BTAF1: variants seen among roughly 807,000 people sequenced by gnomAD.
BTAF1 encodes the protein B-TFIID TATA-box binding protein associated factor 1, also known as TATA-binding protein-associated factor 172.
BTAF1 carries 38 observed loss-of-function variants against 227.1 expected under a neutral mutation model. The observed-to-expected ratio is 0.17, with a 90% CI of 0.13 to 0.22. The LOEUF is 0.22. Ranked by LOEUF, BTAF1 falls within the 10% of genes least tolerant of loss-of-function variation. The pLI is 1.00. For synonymous variants in BTAF1, 742 were observed against 751.9 expected (o/e 0.99, Z 0.21); for missense variants, 1,598 against 2,204.0 (o/e 0.73, Z 5.51).
At chr10:91,951,747 A>C (rs1329187198) in intron 5 of BTAF1, among the ~76,000 whole-genome samples, 181 bp downstream of exon 5, 2 of 152,194 alleles carry the variant, frequency 1.3e-5, no homozygotes, top group African/African-American at 4.8e-5. Context: ...ATAGAGTTAG[A>C]AGCTCAACCT....
chr10:92,009,349 C>A, intron 28 of BTAF1, 141 bp downstream of exon 28: 1 of 905,206 alleles, frequency 1.1e-6, no homozygotes, highest in Non-Finnish European at 1.6e-6. Context: ...AGTGAATGTA[C>A]TTTGGGAAGA....
chr10:91,979,120 C>T (rs376256653), intron 14 of BTAF1, among the ~76,000 whole-genome samples: 3 of 152,060 alleles, frequency 2.0e-5, no homozygotes, highest in East Asian at 1.9e-4. Flanking sequence ...TGGCCTCCCG[C>T]TCCATCCATG....
chr10:91,981,636 C>A lies in BTAF1; in HGVS notation c.1756-7C>A. 6.4e-7 allele frequency: 1 copy of A among 1,570,280 alleles called. No individual in the cohort carries two copies. The highest frequency in any genetic ancestry group is 8.6e-7 in the Non-Finnish European group (1 of 1,161,366). ...ATTCACTTTCATGTCCCCCTTTTACCCTGCAGGTTTGGATGGAACTGTTGA... is the reference window on the plus strand; with the variant it reads ...ATTCACTTTCATGTCCCCCTTTTACACTGCAGGTTTGGATGGAACTGTTGA... On this transcript the variant is annotated splice_region_variant and splice_polypyrimidine_tract_variant and intron_variant, in intron 15 of 37. Transcript: ENST00000265990.
intron 20 of BTAF1, among the ~76,000 whole-genome samples, chr10:91,991,791 GTGTGTGTA>G (rs1172537293): frequency 8.8e-5 from 6 of 68,476 alleles, no homozygotes; most frequent in South Asian, 3.2e-4. Flanking sequence ...GTGTGTGTGT[GTGTGTGTA>G]TATATATATA....
At chr10:91,925,729 C>T (rs535619389) in intron 1 of BTAF1, among the ~76,000 whole-genome samples, 27 of 152,248 alleles carry the variant, frequency 1.8e-4, no homozygotes, top group African/African-American at 6.0e-4. Context: ...CCAGGATGGT[C>T]TCGATCTCCT....
At chr10:91,939,232 T>C (rs569816888) in intron 2 of BTAF1, among the ~76,000 whole-genome samples, 27 of 152,336 alleles carry the variant, frequency 1.8e-4, no homozygotes, top group Non-Finnish European at 2.9e-4. Context: ...ATGGTTTTCT[T>C]AATTTCATTT....
At chr10:91,970,661 T>C (rs912705895) in intron 14 of BTAF1, among the ~76,000 whole-genome samples, 1 of 152,242 alleles carries the variant, frequency 6.6e-6, no homozygotes, top group Non-Finnish European at 1.5e-5. Flanking sequence ...AGATGAGATT[T>C]GGATGGGGAC....
chr10:92,014,074 C>T, intron 32 of BTAF1, 45 bp downstream of exon 32: 1 of 1,573,000 alleles, frequency 6.4e-7, no homozygotes, highest in Non-Finnish European at 8.6e-7. Context: ...TGTTTATTAG[C>T]AGATTGTTTT....
intron 32 of BTAF1, 93 bp from the exon 33 acceptor site, chr10:92,016,247 A>G: frequency 6.9e-7 from 1 of 1,456,412 alleles, no homozygotes; most frequent in Non-Finnish European, 9.2e-7. Context: ...GGCTGATTTA[A>G]ATTACTGCTG....
At chr10:91,940,309 T>G (rs1348539627) in intron 3 of BTAF1, among the ~76,000 whole-genome samples, 1 of 152,138 alleles carries the variant, frequency 6.6e-6, no homozygotes, top group African/African-American at 2.4e-5. Flanking sequence ...TATGCTTGAT[T>G]TACAAGGGTT....
In BTAF1 at chr10:91,997,519, A is replaced by AAT. The variant is rs920575173; in HGVS notation, c.3512-83_3512-82insTA. The stretch of plus-strand genomic sequence containing the variant: ...CAGATGAGAAAATGGTGAGCCTTTT[A>AAT]AAAAGTTAAAATCTTGGTATCAGTT... On this transcript the variant is annotated intron_variant, in intron 24 of 37. Transcript: ENST00000265990. 7 of 1,247,616 alleles carry AAT rather than the reference A, an allele frequency of 5.6e-6. No homozygotes were observed. The African/African-American group carries it at 7.5e-5, about 13-fold the overall frequency. The allele number at this position is 1,247,616 out of a possible 1,614,324, so 77.3% of individuals were successfully genotyped here.
intron 1 of BTAF1, among the ~76,000 whole-genome samples, chr10:91,931,766 G>A (rs986438297): frequency 1.3e-5 from 2 of 152,168 alleles, no homozygotes; most frequent in African/African-American, 4.8e-5. Context: ...AGGTCAGACT[G>A]CCCTCTTGTC....
chr10:91,966,876 G>A, intron 14 of BTAF1, 119 bp downstream of exon 14: 1 of 881,990 alleles, frequency 1.1e-6, no homozygotes, highest in Non-Finnish European at 1.6e-6. Flanking sequence ...TGGGCCTAGT[G>A]GTATGGTAAC....
chr10:91,933,308 G>T (rs903112017), intron 1 of BTAF1, among the ~76,000 whole-genome samples: 6 of 152,136 alleles, frequency 3.9e-5, no homozygotes, highest in Admixed American at 2.6e-4. Flanking sequence ...AGTTAATCTG[G>T]CAACAGGATG....
rs776215280 is a variant in BTAF1 at position 91,924,062 on chromosome 10, C to T, written c.-15C>T. On this transcript the variant is annotated 5_prime_UTR_variant, in exon 1 of 38. Transcript: ENST00000265990. Reference sequence around the variant, plus strand: ...GCGTAGGTCGCGGGGAGCTCCGAACCGCCGGCGCCCGGCCATGGCGGTCTC... The same window carrying T: ...GCGTAGGTCGCGGGGAGCTCCGAACTGCCGGCGCCCGGCCATGGCGGTCTC... 6.2e-7 allele frequency: 1 copy of T among 1,607,724 alleles called. No individual in the cohort carries two copies. The highest frequency in any genetic ancestry group is 1.3e-5 in the African/African-American group (1 of 74,496).
At chr10:91,978,820 T>G (rs1233766564) in intron 14 of BTAF1, among the ~76,000 whole-genome samples, 1 of 149,376 alleles carries the variant, frequency 6.7e-6, no homozygotes, top group Non-Finnish European at 1.5e-5. Context: ...GCTTGTTTTT[T>G]TTTTTTTTTT....
In BTAF1 at chr10:91,962,659, T is replaced by C; in HGVS notation, c.1385T>C (p.Val462Ala). The change falls in exon 12 of 38, where the codon GTC (valine) becomes GCC (alanine). Residue 462 changes from valine (V) to alanine (A), a missense_variant. This residue lies in a region of BTAF1 where 318 missense variants were observed against 435.0 expected (regional missense o/e 0.73). Transcript: ENST00000265990. ...TTAGTGCCTGTAGTAGAAAGCCTTGTCTATCTTCAGACACAAAAGGTAAAT... is the reference window on the plus strand; with the variant it reads ...TTAGTGCCTGTAGTAGAAAGCCTTGCCTATCTTCAGACACAAAAGGTAAAT... ...ASLVPVVESLVYLQTQKVPFI... is the reference protein window; with the variant it reads ...ASLVPVVESLAYLQTQKVPFI... 1 of 1,597,380 alleles carries C rather than the reference T, an allele frequency of 6.3e-7. No homozygotes were observed. The highest frequency in any genetic ancestry group is 1.3e-5 in the African/African-American group (1 of 74,114).
rs376753924 is a variant in BTAF1 at position 92,028,953 on chromosome 10, C to G, written c.*20C>G. ...AAGTAACTATCAAATATTGTAAATG[C>G]AATTGCTGCTAGTTCAGTTACATTT... On this transcript the variant is annotated 3_prime_UTR_variant, in exon 38 of 38. Coordinates refer to ENST00000265990, the MANE Select transcript of BTAF1 (RefSeq NM_003972.3). 2.2e-4 allele frequency: 336 copies of G among 1,555,490 alleles called. No homozygotes were observed. The highest frequency in any genetic ancestry group is 2.7e-4 in the Non-Finnish European group (314 of 1,153,664).
intron 25 of BTAF1, among the ~76,000 whole-genome samples, chr10:91,999,803 CACAT>C (rs1180353568): frequency 7.9e-5 from 12 of 152,162 alleles, no homozygotes; most frequent in East Asian, 1.9e-4. Context: ...AAACCACAGA[CACAT>C]ACAGTAATAT....
Sources: gnomAD v4.1 joint callset for allele counts (sites outside exome capture counted in the v4.1 genomes callset) on GRCh38, gnomAD v4.1.1 for gene constraint, gnomAD v4.1.1 regional missense constraint, MANE v1.5 for transcripts, NCBI Gene and HGNC (gene_info 2026-07-23, HGNC 2026-07-21) for gene names.